Variants in KCNIP4 observed in about 807,000 individuals in gnomAD.
KCNIP4 encodes the protein Kv channel-interacting protein 4.
A neutral mutation model predicts 34.0 loss-of-function variants in KCNIP4; 12 were observed. The ratio of observed to expected loss-of-function variants is 0.35; its 90% CI spans 0.23 to 0.57. The LOEUF is 0.57. Among genes scored for constraint, KCNIP4 ranks in the 20% least tolerant of loss-of-function variants. The pLI is 0.83. For missense variants in KCNIP4, 238 were observed against 311.7 expected (o/e 0.76, Z 1.78); for synonymous variants, 124 against 102.2 (o/e 1.21, Z -1.29).
chr4:21,816,642 C>T (rs1357628448), intron 1 of KCNIP4, among the ~76,000 whole-genome samples: 2 of 152,144 alleles, frequency 1.3e-5, no homozygotes, highest in African/African-American at 2.4e-5. Flanking sequence ...ACTATTTTCT[C>T]ATCTTCCTGC....
At chr4:21,800,345 T>C (rs1368989641) in intron 1 of KCNIP4, among the ~76,000 whole-genome samples, 1 of 152,208 alleles carries the variant, frequency 6.6e-6, no homozygotes, top group East Asian at 1.9e-4. Flanking sequence ...TTCATTGTTT[T>C]ACATTTGCTT....
At chr4:20,997,012 C>G (rs1737611224) in intron 1 of KCNIP4, among the ~76,000 whole-genome samples, 1 of 152,088 alleles carries the variant, frequency 6.6e-6, no homozygotes, top group Admixed American at 6.6e-5. Flanking sequence ...CAGAGACTGG[C>G]AAGTAATTTT....
Position 21,948,641 on chromosome 4 carries a change from C to G in KCNIP4, c.-10G>C. On this transcript the variant is annotated 5_prime_UTR_variant, in exon 1 of 9. Transcript: ENST00000382152. ...CCCTCCTCACATTCATGTCTAGGGA[C>G]GCAGGGTGCAGAAGCGAGACTCGAG... 1.9e-6 allele frequency: 3 copies of G among 1,611,442 alleles called. 1 individual carries two copies. The South Asian group carries it at 3.3e-5, about 18-fold the overall frequency.
At chr4:20,952,168 A>G (rs762558039) in intron 1 of KCNIP4, among the ~76,000 whole-genome samples, 20 of 152,198 alleles carry the variant, frequency 1.3e-4, no homozygotes, top group Non-Finnish European at 2.5e-4. Context: ...CTACAATAAA[A>G]CTTGCAGTAC....
chr4:21,356,806 G>A (rs1478522577), intron 1 of KCNIP4, among the ~76,000 whole-genome samples: 2 of 152,136 alleles, frequency 1.3e-5, no homozygotes, highest in African/African-American at 4.8e-5. Context: ...CACAGAATTG[G>A]AAAAAACTAC....
Position 21,822,045 on chromosome 4 carries a change from C to A in KCNIP4, c.61+126526G>T, listed in dbSNP as rs1322488155. The stretch of plus-strand genomic sequence containing the variant: ...CAGAAGACGTCTCCAACTTATTTAG[C>A]TTCCATTCTACAATCCACAAAATAA... On this transcript the variant is annotated intron_variant, in intron 1 of 8. Transcript: ENST00000382152. Among the ~76,000 whole-genome samples, 6 of 152,240 alleles carry A rather than the reference C, an allele frequency of 3.9e-5. No homozygotes were observed. In the East Asian group the frequency reaches 1.2e-3, roughly 30 times the overall value.
chr4:21,462,841 T>C (rs1382739168), intron 1 of KCNIP4, among the ~76,000 whole-genome samples: 1 of 151,768 alleles, frequency 6.6e-6, no homozygotes, highest in Non-Finnish European at 1.5e-5. Flanking sequence ...ACCATATATA[T>C]GCCACATTTT....
At chr4:20,840,050 T>C (rs903606806) in intron 3 of KCNIP4, among the ~76,000 whole-genome samples, 3 of 152,194 alleles carry the variant, frequency 2.0e-5, no homozygotes, top group Admixed American at 6.5e-5. Flanking sequence ...GTTGAACATC[T>C]GCTTTGCTTC....
intron 1 of KCNIP4, among the ~76,000 whole-genome samples, chr4:21,235,599 C>A (rs1759299802): frequency 6.6e-6 from 1 of 152,172 alleles, no homozygotes; most frequent in South Asian, 2.1e-4. Context: ...TCCTTCTCTA[C>A]TCATTTACCA....
At chr4:21,752,745 T>A (rs1717239594) in intron 1 of KCNIP4, among the ~76,000 whole-genome samples, 1 of 152,208 alleles carries the variant, frequency 6.6e-6, no homozygotes, top group South Asian at 2.1e-4. Flanking sequence ...AGGAGCCTGC[T>A]ACTAGGATTT....
At chr4:21,632,244 G>A (rs889767133) in intron 1 of KCNIP4, among the ~76,000 whole-genome samples, 9 of 151,916 alleles carry the variant, frequency 5.9e-5, no homozygotes, top group South Asian at 2.1e-4. Flanking sequence ...ACAGAGTTTC[G>A]CTCTTGTTGC....
chr4:21,486,262 G>C (rs187854887), intron 1 of KCNIP4, among the ~76,000 whole-genome samples: 12 of 152,102 alleles, frequency 7.9e-5, no homozygotes, highest in Middle Eastern at 3.4e-3. Flanking sequence ...GTTCTTTTTT[G>C]GAATACTGTG....
At chr4:20,774,310 A>AC (rs759014417) in intron 3 of KCNIP4, among the ~76,000 whole-genome samples, 10 of 152,056 alleles carry the variant, frequency 6.6e-5, no homozygotes, top group Non-Finnish European at 1.0e-4. Context: ...AGAATATCAC[A>AC]CCAGTGTTCC....
At position 21,890,677 on chromosome 4, in the gene KCNIP4, A is replaced by C. The variant is rs529742565; in HGVS notation, c.61+57894T>G. On this transcript the variant is annotated intron_variant, in intron 1 of 8. Coordinates refer to ENST00000382152, the MANE Select transcript of KCNIP4 (RefSeq NM_025221.6). ...TCAGCACCACATACTTGTATTAAGC[A>C]CATCATGTCTATTATATTATTTAAT... 3.9e-5 allele frequency among the ~76,000 whole-genome samples: 6 copies of C among 152,236 alleles called. No homozygotes were observed. The East Asian group carries it at 1.2e-3, about 29-fold the overall frequency.
chr4:21,857,842 C>T (rs146371123), intron 1 of KCNIP4, among the ~76,000 whole-genome samples: 1,829 of 152,328 alleles, frequency 0.012, 19 homozygotes, highest in Middle Eastern at 0.054. Context: ...GAGAGAAGGG[C>T]AGTGGCCCTT....
intron 1 of KCNIP4, among the ~76,000 whole-genome samples, chr4:21,016,546 C>T (rs1739563247): frequency 1.3e-5 from 2 of 152,100 alleles, no homozygotes; most frequent in South Asian, 2.1e-4. Context: ...CTGCCCGCCT[C>T]GGCCTCCCAA....
chr4:21,500,234 G>A (rs1733203251), intron 1 of KCNIP4, among the ~76,000 whole-genome samples: 1 of 152,066 alleles, frequency 6.6e-6, no homozygotes. Context: ...TCTCGAAAAT[G>A]CATGTTTTTT....
chr4:21,125,504 C>T (rs965084334), intron 1 of KCNIP4, among the ~76,000 whole-genome samples: 47 of 152,224 alleles, frequency 3.1e-4, no homozygotes, highest in African/African-American at 1.0e-3. Context: ...TGTGAGCCAA[C>T]GCGCCTGGCC....
intron 1 of KCNIP4, among the ~76,000 whole-genome samples, chr4:21,110,771 A>T (rs150804352): frequency 3.9e-4 from 59 of 152,320 alleles, no homozygotes; most frequent in Non-Finnish European, 6.8e-4. Flanking sequence ...GTGAGGACAC[A>T]ACAAAAAGTT....
Sources: allele counts gnomAD v4.1 joint callset (sites outside exome capture counted in the v4.1 genomes callset), GRCh38; gene constraint gnomAD v4.1.1; transcripts MANE v1.5; gene names NCBI Gene and HGNC (gene_info 2026-07-23, HGNC 2026-07-21).